Variants in AKT3 observed in about 807,000 individuals in gnomAD.
AKT3 encodes the protein RAC-gamma serine/threonine-protein kinase.
A neutral mutation model predicts 65.3 loss-of-function variants in AKT3; 15 were observed. The ratio of observed to expected loss-of-function variants is 0.23; its 90% CI spans 0.15 to 0.35. The LOEUF (loss-of-function observed/expected upper bound fraction) is 0.35, where lower values mean the gene tolerates loss of function less well. AKT3 is among the 10% of genes least tolerant of loss of function. The pLI, the probability that AKT3 is intolerant of heterozygous loss-of-function variation, is 1.00. For synonymous variants in AKT3, 206 were observed against 183.8 expected, an observed-to-expected ratio of 1.12 and a Z score of -0.98; for missense variants, 243 against 576.5, an observed-to-expected ratio of 0.42 and a Z score of 5.92.
intron 4 of AKT3, among the ~76,000 whole-genome samples, chr1:243,651,717 A>G (rs4279439): frequency 1.3e-5 from 2 of 152,146 alleles, no homozygotes; most frequent in Non-Finnish European, 2.9e-5. Flanking sequence ...TGTATGTTGC[A>G]CCAGCCTTGC....
At chr1:243,811,132 C>T (rs2148397466) in intron 2 of AKT3, among the ~76,000 whole-genome samples, 1 of 152,324 alleles carries the variant, frequency 6.6e-6, no homozygotes, top group South Asian at 2.1e-4. Flanking sequence ...GATGCCCTCT[C>T]TCACCACTCC....
chr1:243,567,799 A>G (rs1404129410), intron 9 of AKT3, among the ~76,000 whole-genome samples: 1 of 152,208 alleles, frequency 6.6e-6, no homozygotes, highest in Non-Finnish European at 1.5e-5. Context: ...ATAAAGATAA[A>G]TCAGGAGATA....
intron 8 of AKT3, among the ~76,000 whole-genome samples, chr1:243,574,454 A>G (rs1674794518): frequency 6.6e-6 from 1 of 152,142 alleles, no homozygotes; most frequent in African/African-American, 2.4e-5. Flanking sequence ...CAAATCTCAT[A>G]TGCTACGAAT....
intron 2 of AKT3, among the ~76,000 whole-genome samples, chr1:243,732,889 AC>A (rs1338137522): frequency 6.6e-6 from 1 of 152,234 alleles, no homozygotes; most frequent in Admixed American, 6.5e-5. Flanking sequence ...GGACTACTCT[AC>A]ATCAAGGTGC....
rs78179762 is a variant in AKT3 at position 243,787,934 on chromosome 1, C to G, written c.46+55191G>C. ...TCCCCACCTCCATTCCCCTCAGATC[C>G]CACCACAGAAGTTTCATGAGAAAAA... is the stretch of plus-strand genomic sequence containing the variant. On this transcript the variant is annotated intron_variant, in intron 2 of 13. Coordinates refer to ENST00000673466, the MANE Select transcript of AKT3 (RefSeq NM_005465.7). Among the ~76,000 whole-genome samples, 1,247 of 152,216 alleles carry G rather than the reference C, an allele frequency of 8.2e-3. 19 individuals are homozygous for G. Among genetic ancestry groups the G allele is most frequent in the African/African-American group, 0.027 (1,108 of 41,530 alleles).
intron 2 of AKT3, among the ~76,000 whole-genome samples, chr1:243,819,012 C>T (rs1189918926): frequency 6.6e-6 from 1 of 152,248 alleles, no homozygotes; most frequent in Non-Finnish European, 1.5e-5. Flanking sequence ...ATCTGTGCAA[C>T]CCGTGGGTCA....
At chr1:243,720,429 TA>T (rs66716743) in intron 2 of AKT3, among the ~76,000 whole-genome samples, 51,415 of 96,024 alleles carry the variant, frequency 0.54, 12,912 homozygotes, top group Middle Eastern at 0.69. Flanking sequence ...AAAGACATAG[TA>T]AAAAAAAAAA....
Position 243,721,368 on chromosome 1 carries a change from T to C in AKT3, c.47-25652A>G, listed in dbSNP as rs1686892614. On this transcript the variant is annotated intron_variant, in intron 2 of 13. Coordinates refer to ENST00000673466, the MANE Select transcript of AKT3 (RefSeq NM_005465.7). ...TGAGTTTTTATATGCAGTCTATTAA[T>C]ATTAGATCATAACCTTTTTGTCCAG... Among the ~76,000 whole-genome samples, 4 of 152,154 alleles carry C rather than the reference T, an allele frequency of 2.6e-5. No homozygotes were observed. In the South Asian group the frequency reaches 8.3e-4, roughly 32 times the overall value.
intron 10 of AKT3, among the ~76,000 whole-genome samples, chr1:243,557,652 TAGTA>T (rs1162751093): frequency 1.3e-5 from 2 of 152,066 alleles, no homozygotes; most frequent in Admixed American, 6.6e-5. Flanking sequence ...TTCAACTAAA[TAGTA>T]AGCCAACTCA....
chr1:243,610,245 T>C (rs1375283826), intron 8 of AKT3, among the ~76,000 whole-genome samples: 2 of 152,226 alleles, frequency 1.3e-5, no homozygotes. Flanking sequence ...TTTAGCTAAC[T>C]TCTCTTATCC....
rs567757020 is a variant in AKT3 at position 243,671,360 on chromosome 1, G to A, written c.173-6477C>T. Among the ~76,000 whole-genome samples the A allele has an allele frequency of 2.9e-3, 448 of 152,212 alleles. 3 individuals are homozygous for A. The highest frequency in any genetic ancestry group is 4.4e-3 in the Non-Finnish European group (301 of 68,004). ...CTCCCAAAGCGCTGGGATTACAGGC[G>A]TGAGCCACTGCATCCGGCCAGATTC... is the stretch of plus-strand genomic sequence containing the variant. On this transcript the variant is annotated intron_variant, in intron 3 of 13. Transcript: ENST00000673466.
chr1:243,725,110 T>C (rs1687129961), intron 2 of AKT3, among the ~76,000 whole-genome samples: 1 of 151,654 alleles, frequency 6.6e-6, no homozygotes, highest in East Asian at 1.9e-4. Context: ...CTCGGGAGGT[T>C]AGCTTGAGCC....
At chr1:243,661,126 T>C (rs1265009425) in intron 4 of AKT3, among the ~76,000 whole-genome samples, 1 of 152,186 alleles carries the variant, frequency 6.6e-6, no homozygotes, top group Non-Finnish European at 1.5e-5. Flanking sequence ...AAAACGGCCA[T>C]ACTGCCCAAG....
Position 243,503,210 on chromosome 1 carries a change from A to G in AKT3, c.*2039T>C, listed in dbSNP as rs1235236934. 4.3e-6 allele frequency: 1 copy of G among 233,628 alleles called. No homozygotes were observed. The highest frequency in any genetic ancestry group is 6.0e-5 in the East Asian group (1 of 16,608). 14.5% of individuals were successfully genotyped at this position (233,628 alleles called of 1,614,324 possible). A position where few individuals can be genotyped will look rare whatever the true frequency, so the allele number is the denominator to read the frequency against. On this transcript the variant is annotated 3_prime_UTR_variant, in exon 14 of 14. Transcript: ENST00000673466. The stretch of plus-strand genomic sequence containing the variant: ...CACTCAGGTAGAAATATGAAAAAGA[A>G]GGATAACGTTGATGTCTGAATATGT...
chr1:243,491,274 A>G (rs1666347047), intron 13 of AKT3, among the ~76,000 whole-genome samples: 1 of 152,230 alleles, frequency 6.6e-6, no homozygotes, highest in African/African-American at 2.4e-5. Context: ...ACGCATTAAA[A>G]AAACCCCAAA....
intron 2 of AKT3, among the ~76,000 whole-genome samples, chr1:243,810,271 A>G (rs1203592494): frequency 6.6e-6 from 1 of 151,896 alleles, no homozygotes; most frequent in Non-Finnish European, 1.5e-5. Context: ...AAATTGTTAG[A>G]CCACTAGCAA....
intron 2 of AKT3, among the ~76,000 whole-genome samples, chr1:243,701,846 G>T (rs1204646243): frequency 6.6e-6 from 1 of 152,024 alleles, no homozygotes; most frequent in African/African-American, 2.4e-5. Flanking sequence ...TGTATGTCAG[G>T]AATAGATGTT....
chr1:243,819,803 T>A (rs944441989), intron 2 of AKT3, among the ~76,000 whole-genome samples: 3 of 152,162 alleles, frequency 2.0e-5, no homozygotes, highest in Non-Finnish European at 4.4e-5. Context: ...TAGGCAGCCA[T>A]CTTTGCTGTT....
At chr1:243,691,010 A>G (rs768331428) in intron 3 of AKT3, among the ~76,000 whole-genome samples, 17 of 152,222 alleles carry the variant, frequency 1.1e-4, no homozygotes, top group Non-Finnish European at 2.5e-4. Flanking sequence ...TGAGACATGC[A>G]CAGGAACAAG....
Sources: allele counts gnomAD v4.1 joint callset (sites outside exome capture counted in the v4.1 genomes callset), GRCh38; gene constraint gnomAD v4.1.1; transcripts MANE v1.5; gene names NCBI Gene and HGNC (gene_info 2026-07-23, HGNC 2026-07-21).